Variants in ATF7IP2 observed in about 807,000 individuals in gnomAD.
ATF7IP2 encodes activating transcription factor 7 interacting protein 2, also known as activating transcription factor 7-interacting protein 2.
Under a neutral mutation model 64.2 loss-of-function variants are expected in ATF7IP2, and 42 were observed. The observed-to-expected ratio is 0.65, with a 90% CI of 0.51 to 0.85. The LOEUF is 0.85. Ranked by LOEUF, ATF7IP2 falls within the 40% of genes least tolerant of loss-of-function variation. The pLI is 0.00. For missense variants in ATF7IP2, 933 were observed against 784.2 expected, an observed-to-expected ratio of 1.19 and a Z score of -2.27; for synonymous variants, 308 against 272.8, an observed-to-expected ratio of 1.13 and a Z score of -1.27.
intron 1 of ATF7IP2, among the ~76,000 whole-genome samples, chr16:10,400,516 A>G (rs1000928471): frequency 6.6e-6 from 1 of 152,144 alleles, no homozygotes; most frequent in South Asian, 2.1e-4. Flanking sequence ...TCCAGGATAT[A>G]TAGTAGTATG....
chr16:10,395,774 C>T (rs970645532), intron 1 of ATF7IP2, among the ~76,000 whole-genome samples: 2 of 152,094 alleles, frequency 1.3e-5, no homozygotes, highest in African/African-American at 4.8e-5. Flanking sequence ...TTGGAACTTC[C>T]TTAACTTGTT....
chr16:10,463,921 A>G (rs2049461624), intron 9 of ATF7IP2, among the ~76,000 whole-genome samples: 1 of 151,956 alleles, frequency 6.6e-6, no homozygotes, highest in African/African-American at 2.4e-5. Context: ...CACCCCTCCT[A>G]TTGCTGGTCT....
chr16:10,422,164 A>G (rs976292525), intron 3 of ATF7IP2, among the ~76,000 whole-genome samples: 3 of 152,224 alleles, frequency 2.0e-5, no homozygotes, highest in African/African-American at 7.2e-5. Context: ...TAAGTCCTCT[A>G]AAGCCTCCAG....
At chr16:10,432,069 C>G (rs2048277868) in intron 5 of ATF7IP2, among the ~76,000 whole-genome samples, 1 of 149,180 alleles carries the variant, frequency 6.7e-6, no homozygotes, top group African/African-American at 2.5e-5. Flanking sequence ...GAACTCCTGA[C>G]CTCGTGATCC....
intron 12 of ATF7IP2, among the ~76,000 whole-genome samples, chr16:10,475,953 T>C (rs2049994378): frequency 6.6e-6 from 1 of 152,206 alleles, no homozygotes; most frequent in Admixed American, 6.5e-5. Context: ...AAGTCCTGTT[T>C]TGTCTCTTAT....
In ATF7IP2 at chr16:10,482,847, A is replaced by T. The variant is rs990145678; in HGVS notation, c.*598A>T. The T allele has an allele frequency of 6.6e-6, 1 of 152,246 alleles. No individual in the cohort carries two copies. 9.4% of individuals were successfully genotyped at this position (152,246 alleles called of 1,614,324 possible). The stretch of plus-strand genomic sequence containing the variant: ...ATTCTCCTATGTCAGCCTCCCAAGT[A>T]GCTGGGACTATAGTCACTTGCCACC... On this transcript the variant is annotated 3_prime_UTR_variant, in exon 14 of 14. Transcript: ENST00000562102.
chr16:10,440,584 A>C, intron 8 of ATF7IP2, 122 bp downstream of exon 8: 1 of 599,558 alleles, frequency 1.7e-6, no homozygotes, highest in Non-Finnish European at 2.9e-6. Context: ...GTTTTTACTT[A>C]GAGTGTTCCC....
chr16:10,450,668 T>C (rs1313696252), intron 8 of ATF7IP2, among the ~76,000 whole-genome samples: 1 of 152,172 alleles, frequency 6.6e-6, no homozygotes, highest in Non-Finnish European at 1.5e-5. Context: ...ATTTGCTTGG[T>C]AGATCTTCCT....
chr16:10,417,032 A>G (rs2047892497), intron 2 of ATF7IP2, among the ~76,000 whole-genome samples: 1 of 152,242 alleles, frequency 6.6e-6, no homozygotes, highest in East Asian at 1.9e-4. Flanking sequence ...AGAAGTTACA[A>G]ATTAAAACTG....
chr16:10,446,863 A>T (rs987317408), intron 8 of ATF7IP2: 8 of 152,100 alleles, frequency 5.3e-5, no homozygotes, highest in African/African-American at 1.9e-4. Context: ...AACTATTGGA[A>T]GTTTGTGTGA....
chr16:10,459,221 C>G (rs1337654562), intron 9 of ATF7IP2, among the ~76,000 whole-genome samples: 1 of 152,140 alleles, frequency 6.6e-6, no homozygotes, highest in Non-Finnish European at 1.5e-5. Context: ...TCCATCCCAG[C>G]ACTTTCGGAG....
intron 1 of ATF7IP2, among the ~76,000 whole-genome samples, chr16:10,394,521 A>G (rs531259611): frequency 6.6e-6 from 1 of 152,274 alleles, no homozygotes; most frequent in African/African-American, 2.4e-5. Context: ...CACTAAACCA[A>G]CTAGACTTAA....
intron 9 of ATF7IP2, among the ~76,000 whole-genome samples, chr16:10,465,566 C>A (rs1023689989): frequency 6.6e-6 from 1 of 151,232 alleles, no homozygotes; most frequent in Non-Finnish European, 1.5e-5. Flanking sequence ...GGTGAAACCC[C>A]ATCTCTACTA....
rs2049817324 is a variant in ATF7IP2, at chr16:10,471,986, C to CATTT, written c.1353-124_1353-123insATTT. The CATTT allele has an allele frequency of 2.6e-5, 12 of 454,470 alleles. No homozygotes were observed. In the South Asian group the frequency reaches 5.9e-4, roughly 22 times the overall value. 28.2% of individuals were successfully genotyped at this position (454,470 alleles called of 1,614,324 possible). A position where few individuals can be genotyped will look rare whatever the true frequency, so the allele number is the denominator to read the frequency against. On this transcript the variant is annotated intron_variant, in intron 9 of 13. Coordinates refer to ENST00000562102, the MANE Select transcript of ATF7IP2 (RefSeq NM_001393719.1). Reference sequence around the variant, plus strand: ...TTTGGTTTTATCATTTCTATTTCCCCCCACGATTGTTCAATTAAAACATTA... The same window carrying CATTT: ...TTTGGTTTTATCATTTCTATTTCCCCATTTCCACGATTGTTCAATTAAAACATTA...
At chr16:10,444,119 C>T (rs971462606) in intron 8 of ATF7IP2, among the ~76,000 whole-genome samples, 2 of 152,096 alleles carry the variant, frequency 1.3e-5, no homozygotes, top group Non-Finnish European at 2.9e-5. Context: ...CCCCACAGGG[C>T]ATAACAAGAC....
intron 7 of ATF7IP2, among the ~76,000 whole-genome samples, chr16:10,439,879 A>G (rs1272959179): frequency 6.6e-6 from 1 of 151,354 alleles, no homozygotes; most frequent in African/African-American, 2.4e-5. Flanking sequence ...TTATACAAGC[A>G]TAGGCTGGGC....
At chr16:10,387,824 T>TCCCCCCCCC (rs5815573) in intron 1 of ATF7IP2, 139 of 130,640 alleles carry the variant, frequency 1.1e-3, no homozygotes, top group South Asian at 1.3e-3. Context: ...TCTATTTTAC[T>TCCCCCCCCC]CCCCCCCCCT....
At chr16:10,440,651 T>C (rs140533194) in intron 8 of ATF7IP2, among the ~76,000 whole-genome samples, 189 bp downstream of exon 8, 1 of 152,320 alleles carries the variant, frequency 6.6e-6, no homozygotes, top group East Asian at 1.9e-4. Context: ...TGTATTTCTG[T>C]AGTAAAGGGA....
At chr16:10,476,381 A>C (rs1349607197) in intron 12 of ATF7IP2, among the ~76,000 whole-genome samples, 2 of 152,200 alleles carry the variant, frequency 1.3e-5, no homozygotes, top group Non-Finnish European at 2.9e-5. Flanking sequence ...AAGGATCTAA[A>C]ATGGTTTTTA....
Sources: allele counts gnomAD v4.1 joint callset (sites outside exome capture counted in the v4.1 genomes callset), GRCh38; gene constraint gnomAD v4.1.1; transcripts MANE v1.5; gene names NCBI Gene and HGNC (gene_info 2026-07-23, HGNC 2026-07-21).